Variants in FSTL5 observed in about 807,000 individuals in gnomAD.
The protein encoded by FSTL5 is follistatin like 5, also known as follistatin-related protein 5.
Under a neutral mutation model 89.1 loss-of-function variants are expected in FSTL5, and 62 were observed. The ratio of observed to expected loss-of-function variants is 0.70; its 90% CI spans 0.57 to 0.86. FSTL5 has a LOEUF of 0.86. Ranked by LOEUF, FSTL5 falls within the 40% of genes least tolerant of loss-of-function variation. The pLI is 0.00. For synonymous variants in FSTL5, 383 were observed against 346.2 expected, an observed-to-expected ratio of 1.11 and a Z score of -1.18; for missense variants, 1,057 against 1,001.6, an observed-to-expected ratio of 1.06 and a Z score of -0.75.
At chr4:161,863,468 A>G (rs948469712) in intron 4 of FSTL5, among the ~76,000 whole-genome samples, 1 of 152,222 alleles carries the variant, frequency 6.6e-6, no homozygotes, top group Non-Finnish European at 1.5e-5. Flanking sequence ...TTGTTGCAAT[A>G]GTTACAACAA....
chr4:161,722,053 G>T (rs1293080720), intron 6 of FSTL5, among the ~76,000 whole-genome samples: 4 of 151,974 alleles, frequency 2.6e-5, no homozygotes, highest in Admixed American at 6.6e-5. Flanking sequence ...GGAAAAAAAA[G>T]ACTTTGAAGA....
chr4:161,852,644 A>T (rs1473971399), intron 4 of FSTL5, among the ~76,000 whole-genome samples: 2 of 152,224 alleles, frequency 1.3e-5, no homozygotes, highest in Non-Finnish European at 2.9e-5. Flanking sequence ...TCATTCTATT[A>T]TAAAGATATG....
intron 6 of FSTL5, among the ~76,000 whole-genome samples, chr4:161,683,948 C>G (rs1015396362): frequency 1.3e-5 from 2 of 152,100 alleles, no homozygotes; most frequent in African/African-American, 4.8e-5. Flanking sequence ...ATTCTTATGC[C>G]TTTGCATCCT....
intron 15 of FSTL5, among the ~76,000 whole-genome samples, chr4:161,430,665 G>A (rs770841302): frequency 7.9e-5 from 12 of 152,172 alleles, no homozygotes; most frequent in South Asian, 6.2e-4. Flanking sequence ...GTGTGAACCC[G>A]GGAGGCGGAG....
intron 15 of FSTL5, among the ~76,000 whole-genome samples, chr4:161,445,365 A>G (rs1169218774): frequency 1.3e-5 from 2 of 151,894 alleles, no homozygotes; most frequent in African/African-American, 2.4e-5. Flanking sequence ...ATCACTGTTT[A>G]CCATAATAAA....
chr4:161,413,718 C>G (rs1006054827), intron 15 of FSTL5, among the ~76,000 whole-genome samples: 1 of 152,082 alleles, frequency 6.6e-6, no homozygotes, highest in East Asian at 1.9e-4. Flanking sequence ...GTGGTAAATA[C>G]GAACCATGGA....
intron 3 of FSTL5, among the ~76,000 whole-genome samples, chr4:161,946,961 TC>T (rs897744009): frequency 1.3e-5 from 2 of 152,208 alleles, no homozygotes; most frequent in African/African-American, 4.8e-5. Context: ...ATTTTAATTT[TC>T]CTGATGAAAA....
chr4:162,132,037 A>C (rs1252072144), intron 1 of FSTL5, among the ~76,000 whole-genome samples: 1 of 152,248 alleles, frequency 6.6e-6, no homozygotes, highest in African/African-American at 2.4e-5. Flanking sequence ...GCTCTATCAT[A>C]TCTGCTATAC....
At chr4:161,530,582 A>G (rs1731377849) in intron 10 of FSTL5, among the ~76,000 whole-genome samples, 1 of 152,020 alleles carries the variant, frequency 6.6e-6, no homozygotes, top group Non-Finnish European at 1.5e-5. Flanking sequence ...AATTATTGCA[A>G]TATGGTAAGA....
chr4:161,633,143 AC>A (rs747557798), intron 7 of FSTL5, among the ~76,000 whole-genome samples: 26 of 151,878 alleles, frequency 1.7e-4, no homozygotes, highest in Non-Finnish European at 3.2e-4. Context: ...GCCCGGGGTC[AC>A]GTTGAAGTTG....
chr4:162,048,939 T>C (rs1738293241), intron 2 of FSTL5, among the ~76,000 whole-genome samples: 1 of 152,168 alleles, frequency 6.6e-6, no homozygotes, highest in South Asian at 2.1e-4. Flanking sequence ...ACAAAGGGTC[T>C]TAAGACAGTG....
At chr4:161,695,486 T>C (rs1184891695) in intron 6 of FSTL5, among the ~76,000 whole-genome samples, 3 of 137,636 alleles carry the variant, frequency 2.2e-5, no homozygotes, top group Non-Finnish European at 5.0e-5. Context: ...ATATCATATA[T>C]ATATATATCA....
intron 4 of FSTL5, among the ~76,000 whole-genome samples, chr4:161,858,919 T>C (rs1731812392): frequency 6.6e-6 from 1 of 152,014 alleles, no homozygotes; most frequent in Non-Finnish European, 1.5e-5. Flanking sequence ...TAGTCCAATA[T>C]TGCTGGGAAA....
At chr4:161,750,720 A>G (rs551750943) in intron 6 of FSTL5, among the ~76,000 whole-genome samples, 1 of 152,232 alleles carries the variant, frequency 6.6e-6, no homozygotes, top group South Asian at 2.1e-4. Flanking sequence ...AAATTTCTGT[A>G]TGGTCTCACT....
chr4:161,841,889 AGCTGG>A (rs1731223201), intron 4 of FSTL5, among the ~76,000 whole-genome samples: 1 of 152,100 alleles, frequency 6.6e-6, no homozygotes, highest in South Asian at 2.1e-4. Flanking sequence ...ATCGGCTCCC[AGCTGG>A]GCTGCCGGTC....
chr4:161,672,636 C>T (rs1737155873), intron 6 of FSTL5, among the ~76,000 whole-genome samples: 1 of 150,186 alleles, frequency 6.7e-6, no homozygotes, highest in Non-Finnish European at 1.5e-5. Context: ...ATTATCCTCT[C>T]TTTATTTTCA....
At chr4:162,029,277 A>T (rs1345285259) in intron 3 of FSTL5, among the ~76,000 whole-genome samples, 1 of 152,068 alleles carries the variant, frequency 6.6e-6, no homozygotes, top group Non-Finnish European at 1.5e-5. Context: ...TTAACATAAT[A>T]TTTTCCTATG....
chr4:161,995,247 T>C (rs1229918513), intron 3 of FSTL5, among the ~76,000 whole-genome samples: 1 of 152,200 alleles, frequency 6.6e-6, no homozygotes, highest in African/African-American at 2.4e-5. Flanking sequence ...AGGCAAATTA[T>C]ATTAGATTTT....
chr4:161,704,053 G>A (rs1452646378), intron 6 of FSTL5, among the ~76,000 whole-genome samples: 1 of 152,078 alleles, frequency 6.6e-6, no homozygotes, highest in Non-Finnish European at 1.5e-5. Context: ...CTAAGCTAAA[G>A]GGAAAACTCA....
Sources: allele counts gnomAD v4.1 joint callset (sites outside exome capture counted in the v4.1 genomes callset), GRCh38; gene constraint gnomAD v4.1.1; transcripts MANE v1.5; gene names NCBI Gene and HGNC (gene_info 2026-07-23, HGNC 2026-07-21).